The following RFC3 variants were observed in gnomAD, a reference collection of about 807,000 sequenced individuals.
The protein encoded by RFC3 is replication factor C subunit 3, also known as A1 38 kDa subunit.
Under a neutral mutation model 45.1 loss-of-function variants are expected in RFC3, and 41 were observed. That is an observed-to-expected ratio of 0.91 (90% CI 0.71 to 1.18). RFC3 has a LOEUF of 1.18. Among genes scored for constraint, RFC3 ranks in the 50% most tolerant of loss-of-function variants. The pLI is 0.00. For missense variants in RFC3, 423 were observed against 428.1 expected, an observed-to-expected ratio of 0.99 and a Z score of 0.10; for synonymous variants, 149 against 144.0, an observed-to-expected ratio of 1.03 and a Z score of -0.25.
At chr13:33,970,260 T>G (rs1450943661), downstream of RFC3, among the ~76,000 whole-genome samples, 1 of 152,256 alleles carries the variant, frequency 6.6e-6, no homozygotes, top group African/African-American at 2.4e-5. Context: ...GCAAAAGACA[T>G]GATCTCATTC....
intron 8 of RFC3, among the ~76,000 whole-genome samples, chr13:33,910,427 AATGTTCATCATTGT>A (rs1362286632): frequency 2.6e-5 from 4 of 152,122 alleles, no homozygotes; most frequent in Non-Finnish European, 5.9e-5. Context: ...AGCACTCATG[AATGTTCATCATTGT>A]TATTACTGAC....
chr13:33,885,468 T>C (rs560591847), intron 8 of RFC3, among the ~76,000 whole-genome samples: 245 of 152,286 alleles, frequency 1.6e-3, no homozygotes, highest in African/African-American at 5.7e-3. Flanking sequence ...ATTAAGTAAT[T>C]TCTCAGCCCT....
At chr13:33,847,435 A>G (rs1210701347) in intron 8 of RFC3, 1 of 152,066 alleles carries the variant, frequency 6.6e-6, no homozygotes, top group Non-Finnish European at 1.5e-5. Flanking sequence ...AGGAGGTGCT[A>G]TCTGGCCATC....
intron 8 of RFC3, among the ~76,000 whole-genome samples, chr13:33,889,206 C>T (rs1398241340): frequency 6.6e-6 from 1 of 152,156 alleles, no homozygotes; most frequent in Non-Finnish European, 1.5e-5. Flanking sequence ...CAGTTATGTT[C>T]ACTACACTAT....
intron 8 of RFC3, among the ~76,000 whole-genome samples, chr13:33,914,975 G>A (rs553073536): frequency 3.7e-4 from 56 of 152,204 alleles, no homozygotes; most frequent in African/African-American, 1.3e-3. Flanking sequence ...ATTCTTTTAT[G>A]ATATATTAAA....
chr13:33,878,884 GC>G (rs1320188317), intron 8 of RFC3, among the ~76,000 whole-genome samples: 2 of 152,020 alleles, frequency 1.3e-5, no homozygotes, highest in African/African-American at 4.8e-5. Flanking sequence ...TTTAACATTG[GC>G]CTTTAAAGCT....
intron 8 of RFC3, among the ~76,000 whole-genome samples, chr13:33,881,826 A>G (rs749963109): frequency 3.3e-5 from 5 of 151,800 alleles, no homozygotes; most frequent in East Asian, 1.9e-4. Context: ...ATGTTCTTCT[A>G]TCTACTTAAA....
chr13:33,836,270 A>T lies in RFC3; in HGVS notation c.1046A>T (p.Asp349Val). ...FMALYKKFME[D>V]GLEGMMF Reference sequence around the variant, plus strand: ...GCACTTTATAAGAAGTTCATGGAGGATGGATTGGAAGGCATGATGTTCTGA... The same window carrying T: ...GCACTTTATAAGAAGTTCATGGAGGTTGGATTGGAAGGCATGATGTTCTGA... Residue 349 changes from aspartate (D) to valine (V), a missense_variant, in exon 9 of 9, where the codon GAT becomes GTT. Coordinates refer to ENST00000380071, the MANE Select transcript of RFC3 (RefSeq NM_002915.4). 1 of 1,613,164 alleles carries T rather than the reference A, an allele frequency of 6.2e-7. No homozygotes were observed. The highest frequency in any genetic ancestry group is 8.5e-7 in the Non-Finnish European group (1 of 1,179,304).
intron 8 of RFC3, among the ~76,000 whole-genome samples, chr13:33,950,072 T>TACACACACAC (rs71196530): frequency 1.3e-4 from 19 of 144,838 alleles, no homozygotes; most frequent in African/African-American, 4.3e-4. Context: ...TCTCTCGCTC[T>TACACACACAC]ACACACACAC....
the RFC3 span, among the ~76,000 whole-genome samples, chr13:33,976,164 A>T: frequency 2.6e-5 from 4 of 152,234 alleles, no homozygotes; most frequent in Non-Finnish European, 4.4e-5. Flanking sequence ...TTATAAACAT[A>T]TGAAATAAAA....
intron 8 of RFC3, among the ~76,000 whole-genome samples, chr13:33,952,449 A>AT (rs59803159): frequency 0.97 from 147,690 of 152,310 alleles, 71,750 homozygotes; most frequent in East Asian, 1. Context: ...AAAAAGTTCA[A>AT]TTTATTAGAC....
chr13:33,901,136 T>G (rs1342419423), intron 8 of RFC3, among the ~76,000 whole-genome samples: 1 of 151,932 alleles, frequency 6.6e-6, no homozygotes, highest in Non-Finnish European at 1.5e-5. Context: ...AATATGGAAA[T>G]TCGTCACAAA....
chr13:33,852,291 A>G (rs2082281343), intron 8 of RFC3, among the ~76,000 whole-genome samples: 2 of 152,210 alleles, frequency 1.3e-5, no homozygotes, highest in Admixed American at 1.3e-4. Context: ...GAGAAGAATC[A>G]GTGAACCTAC....
chr13:33,941,906 A>C (rs1247839291), intron 8 of RFC3, among the ~76,000 whole-genome samples: 1 of 152,180 alleles, frequency 6.6e-6, no homozygotes, highest in South Asian at 2.1e-4. Flanking sequence ...TCTCCCATAC[A>C]TAACTTATGT....
rs1419160591 is a variant in RFC3, at chr13:33,893,786, A to G, written c.879+58569A>G. ...CAGCAGAATGGATCAAGCAGAAGAA[A>G]GAATCAGTCACCTCAAAGACAGATT... On this transcript the variant is annotated intron_variant, in intron 8 of 8. Transcript: ENST00000434425. Among the ~76,000 whole-genome samples the G allele has an allele frequency of 9.9e-5, 15 of 152,224 alleles. No homozygotes were observed. The East Asian group carries it at 2.9e-3, about 29-fold the overall frequency.
intron 4 of RFC3, 64 bp from the exon 5 acceptor site, chr13:33,829,768 GAAGA>G: frequency 8.3e-7 from 1 of 1,204,030 alleles, no homozygotes; most frequent in African/African-American, 1.5e-5. Flanking sequence ...TAATGAGAAG[GAAGA>G]AAGAGACAAG....
In RFC3 at chr13:33,896,711, CAAAAAAAAA is replaced by C. The variant is rs56129519; in HGVS notation, c.879+61518_879+61526del. On this transcript the variant is annotated intron_variant, in intron 8 of 8. Coordinates refer to the RFC3 transcript ENST00000434425. ...TGGGCAACAGAGTAAGACTTTGTCT[CAAAAAAAAA>C]AAAAAAAAAAAAAAAAAAAAAAAGC... Among the ~76,000 whole-genome samples the C allele has an allele frequency of 3.3e-4, 14 of 42,114 alleles. No homozygotes were observed. The Admixed American group carries it at 3.7e-3, about 11-fold the overall frequency. The allele number at this position is 42,114 out of a possible 152,430, so 27.6% of individuals were successfully genotyped here. A position where few individuals can be genotyped will look rare whatever the true frequency, so the allele number is the denominator to read the frequency against.
At chr13:33,848,507 C>T (rs1158852710) in intron 8 of RFC3, 1 of 152,206 alleles carries the variant, frequency 6.6e-6, no homozygotes, top group African/African-American at 2.4e-5. Context: ...ATCTGTTAAA[C>T]CAGCTACTTC....
Position 33,863,820 on chromosome 13 carries a change from C to T in RFC3, c.879+28603C>T, listed in dbSNP as rs577491651. On this transcript the variant is annotated intron_variant, in intron 8 of 8. Coordinates refer to the RFC3 transcript ENST00000434425. Reference sequence around the variant, plus strand: ...GATCTTGCCAATTTTCAGAGTTCTACTGGGCATGGGGCACAGATTTCCTCT... The same window carrying T: ...GATCTTGCCAATTTTCAGAGTTCTATTGGGCATGGGGCACAGATTTCCTCT... 3.3e-5 allele frequency among the ~76,000 whole-genome samples: 5 copies of T among 152,306 alleles called. No homozygotes were observed. The East Asian group carries it at 9.6e-4, about 29-fold the overall frequency.
Sources: allele counts gnomAD v4.1 joint callset (sites outside exome capture counted in the v4.1 genomes callset), GRCh38; gene constraint gnomAD v4.1.1; transcripts MANE v1.5; gene names NCBI Gene and HGNC (gene_info 2026-07-23, HGNC 2026-07-21).